Variants in RPN2 observed in about 807,000 individuals in gnomAD.
RPN2 encodes dolichyl-diphosphooligosaccharide--protein glycosyltransferase subunit 2.
A neutral mutation model predicts 71.4 loss-of-function variants in RPN2; 29 were observed. That is an observed-to-expected ratio of 0.41 (90% CI 0.30 to 0.55). The LOEUF (loss-of-function observed/expected upper bound fraction) is 0.55, where lower values mean the gene tolerates loss of function less well. Among genes scored for constraint, RPN2 ranks in the 20% least tolerant of loss-of-function variants. The pLI, the probability that RPN2 is intolerant of heterozygous loss-of-function variation, is 0.35. For missense variants in RPN2, 726 were observed against 774.1 expected, an observed-to-expected ratio of 0.94 and a Z score of 0.74; for synonymous variants, 308 against 305.0, an observed-to-expected ratio of 1.01 and a Z score of -0.10.
At position 37,198,460 on chromosome 20, in the gene RPN2, G is replaced by A. The variant is rs750945509; in HGVS notation, c.271G>A (p.Ala91Thr). The change falls in exon 3 of 17, where the codon GCC (alanine) becomes ACC (threonine). Residue 91 changes from alanine (A) to threonine (T), a missense_variant. Coordinates refer to ENST00000237530, the MANE Select transcript of RPN2 (RefSeq NM_002951.5). Reference protein sequence around the residue: ...PSNVDSLFYAAQASQALSGCE... With the variant: ...PSNVDSLFYATQASQALSGCE... ...CAATGTGGATTCCCTCTTCTACGCTGCCCAGGCCAGCCAGGCCCTCTCAGG... is the reference window on the plus strand; with the variant it reads ...CAATGTGGATTCCCTCTTCTACGCTACCCAGGCCAGCCAGGCCCTCTCAGG... 2.8e-5 allele frequency: 46 copies of A among 1,614,038 alleles called. No individual in the cohort carries two copies. The highest frequency in any genetic ancestry group is 3.9e-5 in the Non-Finnish European group (46 of 1,180,040).
At position 37,213,861 on chromosome 20, in the gene RPN2, T is replaced by A. The variant is rs780675686; in HGVS notation, c.1088T>A (p.Val363Glu). 1.2e-6 allele frequency: 2 copies of A among 1,604,590 alleles called. No individual in the cohort carries two copies. Among genetic ancestry groups the A allele is most frequent in the Non-Finnish European group, 1.7e-6 (2 of 1,171,210 alleles). ...GACAACCGGTATATTGCAAATACCG[T>A]AGAGGTAGGTGTTTTTCTTTCCTTC... Reference protein sequence around the residue: ...EGDNRYIANTVELRVKISTEV... With the variant: ...EGDNRYIANTEELRVKISTEV... The change falls in exon 9 of 17, where the codon GTA (valine) becomes GAA (glutamate). Residue 363 changes from valine (V) to glutamate (E), a missense_variant. Coordinates refer to ENST00000237530, the MANE Select transcript of RPN2 (RefSeq NM_002951.5).
At chr20:37,205,766 C>T (rs1165022226) in intron 6 of RPN2, among the ~76,000 whole-genome samples, 1 of 152,140 alleles carries the variant, frequency 6.6e-6, no homozygotes, top group African/African-American at 2.4e-5. Context: ...GAAATATACT[C>T]CCTTTTAATT....
chr20:37,231,964 T>G (rs1039953254), intron 13 of RPN2, among the ~76,000 whole-genome samples: 1 of 152,212 alleles, frequency 6.6e-6, no homozygotes, highest in Admixed American at 6.5e-5. Flanking sequence ...GCCATCCATA[T>G]ACCTGGGCAC....
chr20:37,238,734 GTACT>G (rs756070994), intron 16 of RPN2: 4 of 667,528 alleles, frequency 6.0e-6, no homozygotes, highest in African/African-American at 3.5e-5. Context: ...ATCCCGTGGG[GTACT>G]TACTTATTTA....
intron 2 of RPN2, among the ~76,000 whole-genome samples, chr20:37,189,332 TG>T (rs2067088200): frequency 7.0e-6 from 1 of 141,864 alleles, no homozygotes; most frequent in Non-Finnish European, 1.6e-5. Flanking sequence ...TATGTGTGTG[TG>T]TGTGTGTGTG....
At chr20:37,230,969 A>T (rs1440469729) in intron 13 of RPN2, among the ~76,000 whole-genome samples, 1 of 151,836 alleles carries the variant, frequency 6.6e-6, no homozygotes, top group Non-Finnish European at 1.5e-5. Flanking sequence ...AGGAGGCTCA[A>T]GTGGGGCTGT....
At chr20:37,208,787 A>G (rs2067582612) in intron 7 of RPN2, among the ~76,000 whole-genome samples, 2 of 152,218 alleles carry the variant, frequency 1.3e-5, no homozygotes, top group South Asian at 4.1e-4. Flanking sequence ...ATAAGCTAAG[A>G]TCTTCATGAG....
chr20:37,201,339 T>C (rs1263313780), intron 4 of RPN2, among the ~76,000 whole-genome samples: 2 of 138,990 alleles, frequency 1.4e-5, no homozygotes, highest in Admixed American at 1.6e-4. Context: ...TGCAGTGCAA[T>C]GCGATCATAT....
intron 9 of RPN2, among the ~76,000 whole-genome samples, chr20:37,222,533 T>G (rs928924036): frequency 1.3e-5 from 2 of 152,232 alleles, no homozygotes; most frequent in Admixed American, 1.3e-4. Context: ...TTTTAATTTT[T>G]CTTCTTTGCC....
intron 8 of RPN2, among the ~76,000 whole-genome samples, chr20:37,211,066 CCT>C (rs1426680282): frequency 6.6e-6 from 1 of 151,508 alleles, no homozygotes; most frequent in African/African-American, 2.4e-5. Context: ...ATGGAGTCTT[CCT>C]CTGTCACCCA....
intron 8 of RPN2, 36 bp downstream of exon 8, chr20:37,210,201 T>G (rs1362538916): frequency 1.4e-5 from 22 of 1,610,932 alleles, no homozygotes; most frequent in Non-Finnish European, 1.9e-5. Context: ...GGCGCTGACC[T>G]CTTTGTTTTG....
intron 1 of RPN2, 31 bp from the exon 2 acceptor site, chr20:37,184,149 A>C: frequency 6.2e-7 from 1 of 1,612,926 alleles, no homozygotes; most frequent in Non-Finnish European, 8.5e-7. Flanking sequence ...GGAAGAGTGT[A>C]GAGTGTACTG....
At chr20:37,220,237 C>T (rs1418717837) in intron 9 of RPN2, among the ~76,000 whole-genome samples, 1 of 151,664 alleles carries the variant, frequency 6.6e-6, no homozygotes, top group African/African-American at 2.4e-5. Context: ...CGGCTTTGAC[C>T]TTTGCCGTAT....
chr20:37,199,796 T>C lies in RPN2; in HGVS notation c.479+571T>C, dbSNP rs1023453054. Among the ~76,000 whole-genome samples the C allele has an allele frequency of 1.1e-4, 16 of 152,096 alleles. 1 individual carries two copies. Among genetic ancestry groups the C allele is most frequent in the Non-Finnish European group, 1.5e-5 (1 of 67,998 alleles). On this transcript the variant is annotated intron_variant, in intron 4 of 16. Coordinates refer to ENST00000237530, the MANE Select transcript of RPN2 (RefSeq NM_002951.5). ...ATGGAAATATTGTAACTTCAGGGTG[T>C]TTTTTGCTAAGCTCTTAAGTGATAA...
At chr20:37,210,482 A>T (rs2067632258) in intron 8 of RPN2, among the ~76,000 whole-genome samples, 1 of 152,104 alleles carries the variant, frequency 6.6e-6, no homozygotes. Context: ...AAAAAAGAAA[A>T]TATAACTTAC....
intron 2 of RPN2, among the ~76,000 whole-genome samples, chr20:37,196,062 C>T (rs1482890576): frequency 6.8e-6 from 1 of 146,042 alleles, no homozygotes; most frequent in Non-Finnish European, 1.5e-5. Flanking sequence ...GCACCCCGCG[C>T]TTTTTTTTTT....
chr20:37,233,822 C>T (rs188080391), intron 14 of RPN2, among the ~76,000 whole-genome samples, 198 bp from the exon 15 acceptor site: 147 of 152,256 alleles, frequency 9.7e-4, no homozygotes, highest in African/African-American at 3.5e-3. Context: ...GTGCTGAATG[C>T]CTTTCTAAAG....
At chr20:37,203,173 C>T (rs2067432883) in intron 4 of RPN2, among the ~76,000 whole-genome samples, 1 of 152,108 alleles carries the variant, frequency 6.6e-6, no homozygotes, top group Admixed American at 6.5e-5. Context: ...GATCCTCCTG[C>T]CTCGGCCTCC....
chr20:37,192,638 C>T (rs1208321546), intron 2 of RPN2, among the ~76,000 whole-genome samples: 1 of 152,214 alleles, frequency 6.6e-6, no homozygotes, highest in South Asian at 2.1e-4. Flanking sequence ...AGGGCCCCTG[C>T]ACTCTTAAGA....
Sources: allele counts gnomAD v4.1 joint callset (sites outside exome capture counted in the v4.1 genomes callset), GRCh38; gene constraint gnomAD v4.1.1; transcripts MANE v1.5; gene names NCBI Gene and HGNC (gene_info 2026-07-23, HGNC 2026-07-21).